LIPC: variants seen among roughly 807,000 people sequenced by gnomAD.
LIPC encodes the protein hepatic triacylglycerol lipase.
In LIPC, 44 loss-of-function variants were observed where a neutral mutation model predicts 50.7. The ratio of observed to expected loss-of-function variants is 0.87; its 90% CI spans 0.68 to 1.11. LIPC has a LOEUF of 1.11. Ranked by LOEUF, LIPC falls within the 50% of genes most tolerant of loss-of-function variation. The probability of loss-of-function intolerance (pLI) is 0.00; values close to 1 mark genes in which losing one functional copy is unlikely to be tolerated. For missense variants in LIPC, 697 were observed against 648.2 expected (o/e 1.08, Z -0.82); for synonymous variants, 271 against 256.4 (o/e 1.06, Z -0.54).
At chr15:58,481,489 A>G (rs1891187499) in intron 1 of LIPC, among the ~76,000 whole-genome samples, 1 of 152,222 alleles carries the variant, frequency 6.6e-6, no homozygotes. Context: ...TCCATGTACA[A>G]GAACACTATG....
intron 1 of LIPC, among the ~76,000 whole-genome samples, chr15:58,519,954 T>C (rs1032998169): frequency 3.9e-5 from 6 of 152,150 alleles, no homozygotes; most frequent in African/African-American, 1.4e-4. Context: ...TATTCTTCTC[T>C]TTTGAAACTG....
At chr15:58,440,260 A>T (rs1893457698) in intron 1 of LIPC, among the ~76,000 whole-genome samples, 1 of 152,208 alleles carries the variant, frequency 6.6e-6, no homozygotes, top group East Asian at 1.9e-4. Context: ...AGGCCTGAAA[A>T]TATGATCAGG....
At chr15:58,506,899 G>A (rs757467081) in intron 1 of LIPC, among the ~76,000 whole-genome samples, 23 of 152,312 alleles carry the variant, frequency 1.5e-4, no homozygotes, top group Non-Finnish European at 2.4e-4. Flanking sequence ...TGGCTTGGGA[G>A]GCCTCAGGAA....
intron 6 of LIPC, among the ~76,000 whole-genome samples, chr15:58,551,970 T>C (rs532159628): frequency 2.1e-4 from 32 of 152,306 alleles, no homozygotes; most frequent in African/African-American, 7.7e-4. Flanking sequence ...AAGAGAGAAT[T>C]GGGAAACAGT....
In LIPC at chr15:58,562,767, A is replaced by G. The variant is rs139878091; in HGVS notation, c.1170-738A>G. 5.5e-3 allele frequency among the ~76,000 whole-genome samples: 836 copies of G among 151,872 alleles called. 2 individuals are homozygous for G. The highest frequency in any genetic ancestry group is 8.0e-3 in the Non-Finnish European group (547 of 68,006). On this transcript the variant is annotated intron_variant, in intron 7 of 8. Coordinates refer to ENST00000299022, the MANE Select transcript of LIPC (RefSeq NM_000236.3). ...GGGGGATTCCTAAACAATTCTTCACAGCATACTCGGGAAGAGCTATGCCAA... is the reference window on the plus strand; with the variant it reads ...GGGGGATTCCTAAACAATTCTTCACGGCATACTCGGGAAGAGCTATGCCAA...
intron 1 of LIPC, among the ~76,000 whole-genome samples, chr15:58,467,406 C>T (rs981055923): frequency 1.3e-5 from 2 of 152,296 alleles, no homozygotes; most frequent in Non-Finnish European, 2.9e-5. Context: ...GTATTGGTTT[C>T]CGCTCCGTTG....
chr15:58,540,007 T>C (rs1466285010), intron 2 of LIPC, among the ~76,000 whole-genome samples: 1 of 152,196 alleles, frequency 6.6e-6, no homozygotes, highest in African/African-American at 2.4e-5. Context: ...CTCGGCTTTC[T>C]AATTGTCTGT....
chr15:58,542,556 G>T lies in LIPC; in HGVS notation c.479G>T (p.Ser160Ile). 6.2e-7 allele frequency: 1 copy of T among 1,613,368 alleles called. No homozygotes were observed. Among genetic ancestry groups the T allele is most frequent in the Non-Finnish European group, 8.5e-7 (1 of 1,179,366 alleles). ...CAGGAATCTGTGCAACTCTCTCGAA[G>T]CCATGTTCACCTAATTGGGTACAGC... ...WLEESVQLSR[S>I]HVHLIGYSLG... Residue 160 changes from serine to isoleucine, a missense_variant, in exon 4 of 9, where the codon AGC (serine) becomes ATC (isoleucine). Physicochemically the swap from Ser to Ile is moderately radical, Grantham distance 142. Transcript: ENST00000299022.
At chr15:58,500,805 T>C (rs1490740873) in intron 1 of LIPC, among the ~76,000 whole-genome samples, 3 of 146,700 alleles carry the variant, frequency 2.0e-5, no homozygotes, top group Non-Finnish European at 4.5e-5. Flanking sequence ...TGATATCTCT[T>C]CTAGCTTCTT....
chr15:58,484,728 C>A lies in LIPC; in HGVS notation c.88+52608C>A, dbSNP rs572646736. Among the ~76,000 whole-genome samples, 7 of 152,234 alleles carry A rather than the reference C, an allele frequency of 4.6e-5. No individual in the cohort carries two copies. In the South Asian group the frequency reaches 1.4e-3, roughly 32 times the overall value. On this transcript the variant is annotated intron_variant, in intron 1 of 8. Transcript: ENST00000299022. ...CCCACACTCCTACCGTCGGGCCACA[C>A]TGCCTCACAACACACTTTCTCGCCA...
At chr15:58,474,063 C>T (rs1890899376) in intron 1 of LIPC, 1 of 152,266 alleles carries the variant, frequency 6.6e-6, no homozygotes, top group Non-Finnish European at 1.5e-5. Flanking sequence ...AAAGTAACAT[C>T]TAAGTTACTT....
At chr15:58,559,725 A>AC (rs1894092866) in intron 6 of LIPC, among the ~76,000 whole-genome samples, 1 of 151,446 alleles carries the variant, frequency 6.6e-6, no homozygotes, top group African/African-American at 2.4e-5. Flanking sequence ...AAAAAAAAAA[A>AC]CCCAAAACAA....
At chr15:58,466,489 A>G (rs1894569244) in intron 1 of LIPC, among the ~76,000 whole-genome samples, 2 of 152,230 alleles carry the variant, frequency 1.3e-5, no homozygotes, top group South Asian at 2.1e-4. Context: ...CCATCAATAG[A>G]TCACATGATC....
chr15:58,547,999 A>G (rs1432892214), intron 5 of LIPC, among the ~76,000 whole-genome samples: 4 of 152,046 alleles, frequency 2.6e-5, no homozygotes, highest in African/African-American at 9.7e-5. Flanking sequence ...AATTACACTA[A>G]CCTGCTCTCT....
intron 1 of LIPC, among the ~76,000 whole-genome samples, chr15:58,496,129 G>A (rs1237665549): frequency 6.6e-6 from 1 of 152,104 alleles, no homozygotes; most frequent in Non-Finnish European, 1.5e-5. Flanking sequence ...GTTCTCAACT[G>A]GGATGGTTTC....
chr15:58,506,380 A>C (rs1892149236), intron 1 of LIPC, among the ~76,000 whole-genome samples: 1 of 152,148 alleles, frequency 6.6e-6, no homozygotes, highest in South Asian at 2.1e-4. Context: ...TTCTCCTGCC[A>C]CGACTGAAAG....
intron 1 of LIPC, among the ~76,000 whole-genome samples, chr15:58,512,760 G>A (rs12441328): frequency 0.46 from 69,831 of 151,856 alleles, 16,165 homozygotes; most frequent in East Asian, 0.54. Flanking sequence ...GCACTGGAAC[G>A]AGGTAGGAGG....
At chr15:58,519,070 T>C (rs1294554310) in intron 1 of LIPC, among the ~76,000 whole-genome samples, 1 of 151,976 alleles carries the variant, frequency 6.6e-6, no homozygotes, top group Non-Finnish European at 1.5e-5. Context: ...CTACACAGGG[T>C]ATACAGGAAG....
At chr15:58,440,703 G>A (rs1421173934) in intron 1 of LIPC, among the ~76,000 whole-genome samples, 2 of 152,202 alleles carry the variant, frequency 1.3e-5, no homozygotes, top group African/African-American at 4.8e-5. Flanking sequence ...CATGCAAAAT[G>A]TTACAAGAGC....
Sources: gnomAD v4.1 joint callset for allele counts (sites outside exome capture counted in the v4.1 genomes callset) on GRCh38, gnomAD v4.1.1 for gene constraint, MANE v1.5 for transcripts, NCBI Gene and HGNC (gene_info 2026-07-23, HGNC 2026-07-21) for gene names.